The following MUSK variants were observed in gnomAD, a reference collection of about 807,000 sequenced individuals.
MUSK encodes the protein muscle, skeletal receptor tyrosine-protein kinase.
A neutral mutation model predicts 88.7 loss-of-function variants in MUSK; 55 were observed. That is an observed-to-expected ratio of 0.62 (90% CI 0.50 to 0.78). MUSK has a LOEUF of 0.78. Ranked by LOEUF, MUSK falls within the 30% of genes least tolerant of loss-of-function variation. The pLI is 0.00. For missense variants in MUSK, 1,015 were observed against 1,074.3 expected (o/e 0.94, Z 0.77); for synonymous variants, 387 against 391.9 (o/e 0.99, Z 0.15).
chr9:110,789,331 G>A (rs1258234255), intron 14 of MUSK, among the ~76,000 whole-genome samples: 2 of 152,204 alleles, frequency 1.3e-5, no homozygotes, highest in African/African-American at 4.8e-5. Context: ...TTTGCTGACA[G>A]ACCAAATATG....
At chr9:110,797,132 TAAAAAATAA>T (rs1289703756) in intron 14 of MUSK, among the ~76,000 whole-genome samples, 3 of 17,156 alleles carry the variant, frequency 1.7e-4, no homozygotes, top group African/African-American at 6.2e-4. Flanking sequence ...AATAAAAAAA[TAAAAAATAA>T]AAAATAAATG....
At chr9:110,726,015 T>C (rs572785424) in intron 5 of MUSK, among the ~76,000 whole-genome samples, 1 of 152,148 alleles carries the variant, frequency 6.6e-6, no homozygotes, top group African/African-American at 2.4e-5. Context: ...ATACCTGAGC[T>C]TAAATAGGCC....
chr9:110,803,621 C>G lies in MUSK; in HGVS notation c.*2633C>G, dbSNP rs879844782. Among the ~76,000 whole-genome samples the G allele has an allele frequency of 5.3e-5, 8 of 152,124 alleles. No individual in the cohort carries two copies. The highest frequency in any genetic ancestry group is 1.0e-4 in the Non-Finnish European group (7 of 68,014). ...ATTTTATTCTATTAACTTCCTAAGT[C>G]TTTTTAATGAATAGCAAAAAAAGTA... On this transcript the variant is annotated 3_prime_UTR_variant, in exon 15 of 15. Transcript: ENST00000374448.
In MUSK at chr9:110,682,813, C is replaced by G; in HGVS notation, c.206+13C>G. On this transcript the variant is annotated intron_variant, in intron 2 of 14. Coordinates refer to ENST00000374448, the MANE Select transcript of MUSK (RefSeq NM_005592.4). ...AAATTCTCATTAAGTAAGTATTCCA[C>G]ATTTTAATTTTTTTAAATTTTTGTG... The G allele has an allele frequency of 6.2e-7, 1 of 1,604,820 alleles. No individual in the cohort carries two copies. The highest frequency in any genetic ancestry group is 8.5e-7 in the Non-Finnish European group (1 of 1,174,328).
chr9:110,692,403 T>A (rs1333776623), intron 3 of MUSK, among the ~76,000 whole-genome samples: 4 of 152,080 alleles, frequency 2.6e-5, no homozygotes, highest in Non-Finnish European at 5.9e-5. Context: ...TGAAGTCCTG[T>A]GCTCAAGTGA....
chr9:110,682,106 T>C (rs2076142769), intron 1 of MUSK, among the ~76,000 whole-genome samples: 1 of 152,126 alleles, frequency 6.6e-6, no homozygotes, highest in Non-Finnish European at 1.5e-5. Context: ...CATTTTCTAG[T>C]TGTATGCCCA....
At position 110,687,206 on chromosome 9, in the gene MUSK, G is replaced by T. The variant is rs760781844; in HGVS notation, c.296G>T (p.Cys99Phe). 1.9e-6 allele frequency: 3 copies of T among 1,613,772 alleles called. No individual in the cohort carries two copies. Among genetic ancestry groups the T allele is most frequent in the Admixed American group, 3.3e-5 (2 of 59,990 alleles). Residue 99 changes from cysteine (C) to phenylalanine (F), a missense_variant, in exon 3 of 15, where the codon TGC becomes TTC. Transcript: ENST00000374448. Reference sequence around the variant, plus strand: ...GACAGTGATGATGGCATTTACTGCTGCACGGCCAACAATGGTGTGGGAGGA... The same window carrying T: ...GACAGTGATGATGGCATTTACTGCTTCACGGCCAACAATGGTGTGGGAGGA... Reference protein sequence around the residue: ...VEDSDDGIYCCTANNGVGGAV... With the variant: ...VEDSDDGIYCFTANNGVGGAV...
intron 3 of MUSK, among the ~76,000 whole-genome samples, chr9:110,689,895 A>G (rs1462240791): frequency 7.2e-5 from 6 of 83,404 alleles, no homozygotes; most frequent in Non-Finnish European, 1.3e-4. Flanking sequence ...AATATAAATT[A>G]TATAAATATA....
chr9:110,671,562 A>T (rs2075957013), intron 1 of MUSK, among the ~76,000 whole-genome samples: 1 of 152,182 alleles, frequency 6.6e-6, no homozygotes, highest in African/African-American at 2.4e-5. Flanking sequence ...TTAATTGTTC[A>T]TAGTTTTCAT....
intron 6 of MUSK, among the ~76,000 whole-genome samples, chr9:110,742,173 T>C (rs1435413225): frequency 6.6e-6 from 1 of 152,012 alleles, no homozygotes. Context: ...ATTTGGAGAC[T>C]GGGCCGGGTG....
Position 110,800,553 on chromosome 9 carries a change from T to C in MUSK, c.2175T>C (p.Asp725=). ...CAGAACGTAAGTTTGTTCACCGAGA[T>C]TTAGCCACCAGGAACTGCCTGGTGG... is the stretch of plus-strand genomic sequence containing the variant. ...YLSERKFVHR[D]LATRNCLVGE... Residue 725 remains aspartate (D), a synonymous_variant, in exon 15 of 15, where the codon GAT becomes GAC. Coordinates refer to ENST00000374448, the MANE Select transcript of MUSK (RefSeq NM_005592.4). 6.2e-7 allele frequency: 1 copy of C among 1,613,720 alleles called. No individual in the cohort carries two copies. Among genetic ancestry groups the C allele is most frequent in the Non-Finnish European group, 8.5e-7 (1 of 1,179,836 alleles).
intron 7 of MUSK, among the ~76,000 whole-genome samples, chr9:110,757,189 G>A (rs906457948): frequency 1.1e-4 from 16 of 152,150 alleles, no homozygotes; most frequent in Middle Eastern, 3.2e-3. Context: ...GCTGGATACA[G>A]TGGCTCATGC....
intron 11 of MUSK, among the ~76,000 whole-genome samples, chr9:110,778,857 A>G (rs2077708836): frequency 6.6e-6 from 1 of 152,066 alleles, no homozygotes; most frequent in African/African-American, 2.4e-5. Context: ...CTACCTTTTC[A>G]CATTTGTTAT....
At chr9:110,679,439 CTTTATT>C (rs1564208109) in intron 1 of MUSK, among the ~76,000 whole-genome samples, 4 of 151,932 alleles carry the variant, frequency 2.6e-5, no homozygotes, top group South Asian at 2.1e-4. Flanking sequence ...TTTCCCTCCC[CTTTATT>C]TTTAACATTT....
chr9:110,689,662 TAC>T (rs1302098970), intron 3 of MUSK, among the ~76,000 whole-genome samples: 1 of 52,406 alleles, frequency 1.9e-5, no homozygotes, highest in African/African-American at 1.3e-4. Context: ...CCATATAATA[TAC>T]ATAGTATATT....
chr9:110,761,483 GTTCTT>G (rs2077397610), intron 7 of MUSK, among the ~76,000 whole-genome samples: 1 of 144,992 alleles, frequency 6.9e-6, no homozygotes, highest in Non-Finnish European at 1.5e-5. Context: ...TCCTCTGCAT[GTTCTT>G]TTCTTTTCTC....
At chr9:110,781,761 C>A (rs551259568) in intron 11 of MUSK, among the ~76,000 whole-genome samples, 1 of 152,332 alleles carries the variant, frequency 6.6e-6, no homozygotes, top group African/African-American at 2.4e-5. Flanking sequence ...TGTGTCCTCA[C>A]ATGGCAGAAC....
intron 9 of MUSK, among the ~76,000 whole-genome samples, chr9:110,771,780 A>T (rs977934549): frequency 3.9e-5 from 6 of 152,188 alleles, no homozygotes; most frequent in Non-Finnish European, 1.5e-5. Context: ...CACAACAAAA[A>T]AGTCAGATAC....
intron 5 of MUSK, among the ~76,000 whole-genome samples, chr9:110,726,945 T>A (rs978093253): frequency 6.6e-6 from 1 of 152,078 alleles, no homozygotes; most frequent in Non-Finnish European, 1.5e-5. Flanking sequence ...AGTTTCCTAA[T>A]GTCCAGATGA....
Sources: gnomAD v4.1 joint callset for allele counts (sites outside exome capture counted in the v4.1 genomes callset) on GRCh38, gnomAD v4.1.1 for gene constraint, MANE v1.5 for transcripts, NCBI Gene and HGNC (gene_info 2026-07-23, HGNC 2026-07-21) for gene names.